ALPK3: variants seen among roughly 807,000 people sequenced by gnomAD.
ALPK3 encodes alpha-protein kinase 3.
A neutral mutation model predicts 140.0 loss-of-function variants in ALPK3; 102 were observed. The observed-to-expected ratio is 0.73, with a 90% CI of 0.62 to 0.86. The LOEUF is 0.86. Ranked by LOEUF, ALPK3 falls within the 40% of genes least tolerant of loss-of-function variation. The pLI is 0.00. For missense variants in ALPK3, 2,254 were observed against 2,208.2 expected (o/e 1.02, Z -0.42); for synonymous variants, 938 against 898.5 (o/e 1.04, Z -0.79).
intron 1 of ALPK3, among the ~76,000 whole-genome samples, 153 bp downstream of exon 1, chr15:84,817,748 T>C (rs1963377798): frequency 6.6e-6 from 1 of 152,168 alleles, no homozygotes; most frequent in African/African-American, 2.4e-5. Context: ...ATGGCCGGGC[T>C]GGAATGGCTT....
At chr15:84,851,440 G>A (rs905716534) in intron 5 of ALPK3, among the ~76,000 whole-genome samples, 15 of 152,036 alleles carry the variant, frequency 9.9e-5, no homozygotes, top group African/African-American at 3.1e-4. Flanking sequence ...ATTTTTAATT[G>A]TATTTTTGTT....
At position 84,843,020 on chromosome 15, in the gene ALPK3, G is replaced by A. The variant is rs1006472961; in HGVS notation, c.1653+2088G>A. 2.0e-5 allele frequency among the ~76,000 whole-genome samples: 3 copies of A among 152,212 alleles called. No homozygotes were observed. The East Asian group carries it at 5.8e-4, about 29-fold the overall frequency. On this transcript the variant is annotated intron_variant, in intron 5 of 13. Transcript: ENST00000258888. ...AATCTGGCTTCTCTGCCTAAATGGT[G>A]AGGAACCCAATACCAGATGGTGGCA... is the stretch of plus-strand genomic sequence containing the variant.
Position 84,857,592 on chromosome 15 carries a change from T to C in ALPK3, c.2854T>C (p.Cys952Arg), listed in dbSNP as rs2141568399. The change falls in exon 6 of 14, where the codon TGT (cysteine) becomes CGT (arginine). Residue 952 changes from cysteine (C) to arginine (R), a missense_variant. By Grantham distance (180) the Cys-to-Arg change is radical. Around this residue, in one of 3 missense-constraint regions of ALPK3, gnomAD observed 2,088 missense variants for 2,022.9 expected, o/e 1.03. Coordinates refer to ENST00000258888, the MANE Select transcript of ALPK3 (RefSeq NM_020778.5). ...VEGRTPGPRSCDPGLIDSLKN... is the reference protein window; with the variant it reads ...VEGRTPGPRSRDPGLIDSLKN... ...GGGGCGGACCCCAGGTCCCCGGAGC[T>C]GTGACCCTGGCCTCATAGATTCCCT... The C allele has an allele frequency of 1.3e-6, 2 of 1,574,290 alleles. No homozygotes were observed. Among genetic ancestry groups the C allele is most frequent in the Middle Eastern group, 1.7e-4 (1 of 5,860 alleles).
rs1364757203 is a variant in ALPK3, at chr15:84,857,557, C to T, written c.2819C>T (p.Pro940Leu). The change falls in exon 6 of 14, where the codon CCA becomes CTA. Residue 940 changes from proline to leucine, a missense_variant. Around this residue, in one of 3 missense-constraint regions of ALPK3, gnomAD observed 2,088 missense variants for 2,022.9 expected, o/e 1.03. Transcript: ENST00000258888. ...TSSEGACAQV[P>L]DVEGRTPGPR... ...AGTGAGGGGGCCTGCGCCCAGGTAC[C>T]AGATGTGGAGGGGCGGACCCCAGGT... The T allele has an allele frequency of 6.3e-7, 1 of 1,582,390 alleles. No individual in the cohort carries two copies. The highest frequency in any genetic ancestry group is 1.2e-5 in the South Asian group (1 of 85,304).
intron 11 of ALPK3, among the ~76,000 whole-genome samples, chr15:84,863,946 G>T (rs1204032639): frequency 6.6e-6 from 1 of 152,224 alleles, no homozygotes; most frequent in Admixed American, 6.5e-5. Flanking sequence ...TGAAGGTGAT[G>T]GGGTGGGTTA....
intron 3 of ALPK3, among the ~76,000 whole-genome samples, chr15:84,838,422 C>T (rs1963618388): frequency 6.6e-6 from 1 of 152,028 alleles, no homozygotes; most frequent in Non-Finnish European, 1.5e-5. Context: ...AGTTTCTCCT[C>T]CATATTTTCC....
chr15:84,862,448 G>A (rs1963957616), intron 9 of ALPK3, among the ~76,000 whole-genome samples, 187 bp from the exon 10 acceptor site: 1 of 152,036 alleles, frequency 6.6e-6, no homozygotes, highest in Non-Finnish European at 1.5e-5. Context: ...GAATCAAATA[G>A]AGTTTCTGCC....
intron 2 of ALPK3, among the ~76,000 whole-genome samples, chr15:84,823,821 C>T (rs1171671612): frequency 1.3e-5 from 2 of 152,204 alleles, no homozygotes; most frequent in Non-Finnish European, 2.9e-5. Context: ...AGGGATCCTC[C>T]TGCCTCAGCC....
In ALPK3 at chr15:84,863,585, T is replaced by A; in HGVS notation, c.4444T>A (p.Cys1482Ser). 1 of 1,614,096 alleles carries A rather than the reference T, an allele frequency of 6.2e-7. No homozygotes were observed. Among genetic ancestry groups the A allele is most frequent in the Non-Finnish European group, 8.5e-7 (1 of 1,179,980 alleles). The change falls in exon 11 of 14, where the codon TGC (cysteine) becomes AGC (serine). Residue 1482 changes from cysteine to serine, a missense_variant. By Grantham distance (112) the Cys-to-Ser change is moderately radical. This residue lies in a region of ALPK3 where 2,088 missense variants were observed against 2,022.9 expected (regional missense o/e 1.03). Transcript: ENST00000258888. ...GATCCAGAACATGAGTCGGGAGTACTGCAAAATCTTCGCAGCAGAAGCCCG... is the reference window on the plus strand; with the variant it reads ...GATCCAGAACATGAGTCGGGAGTACAGCAAAATCTTCGCAGCAGAAGCCCG... ...CKIQNMSREYCKIFAAEARAA... is the reference protein window; with the variant it reads ...CKIQNMSREYSKIFAAEARAA...
At chr15:84,833,017 C>T (rs1815123527) in intron 3 of ALPK3, among the ~76,000 whole-genome samples, 1 of 152,188 alleles carries the variant, frequency 6.6e-6, no homozygotes, top group Admixed American at 6.5e-5. Flanking sequence ...AAGCTGTTCC[C>T]TGTTTCAAGC....
chr15:84,852,339 G>A (rs929670173), intron 5 of ALPK3, among the ~76,000 whole-genome samples: 1 of 152,200 alleles, frequency 6.6e-6, no homozygotes, highest in Non-Finnish European at 1.5e-5. Context: ...TATGCTGCAC[G>A]AAGGGCTGTT....
In ALPK3 at chr15:84,839,037, G is replaced by C. The variant is rs1256047053; in HGVS notation, c.362G>C (p.Cys121Ser). ...YKDDTELDRY[C>S]GLPKYEITHQ... ...GATGATACGGAGCTGGACCGCTACT[G>C]TGGCTTGCCAAAATATGAGATCACT... The change falls in exon 4 of 14, where the codon TGT (cysteine) becomes TCT (serine). Residue 121 changes from cysteine (C) to serine (S), a missense_variant. Around this residue, in one of 3 missense-constraint regions of ALPK3, gnomAD observed 2,088 missense variants for 2,022.9 expected, o/e 1.03. Transcript: ENST00000258888. 1 of 1,613,618 alleles carries C rather than the reference G, an allele frequency of 6.2e-7. No homozygotes were observed. The highest frequency in any genetic ancestry group is 8.5e-7 in the Non-Finnish European group (1 of 1,179,734).
chr15:84,825,122 G>T (rs1170710309), intron 2 of ALPK3, among the ~76,000 whole-genome samples: 1 of 152,036 alleles, frequency 6.6e-6, no homozygotes, highest in Non-Finnish European at 1.5e-5. Context: ...AGTTTGAGAA[G>T]ATATGTTCTT....
rs2141556914 is a variant in ALPK3, at chr15:84,840,359, C to T, written c.1080C>T (p.Pro360=). The part of the protein sequence containing the change: ...DEPDSCGTQG[P]VGVEQVQTQP... ...CTGACTCCTGTGGGACTCAGGGGCC[C>T]GTGGGCGTGGAGCAGGTTCAGACCC... Residue 360 remains proline, a synonymous_variant, in exon 5 of 14, where the codon CCC becomes CCT. Coordinates refer to ENST00000258888, the MANE Select transcript of ALPK3 (RefSeq NM_020778.5). The T allele has an allele frequency of 6.2e-7, 1 of 1,613,486 alleles. No homozygotes were observed. The highest frequency in any genetic ancestry group is 8.5e-7 in the Non-Finnish European group (1 of 1,179,764).
rs147480017 is a variant in ALPK3, at chr15:84,839,600, G to T, written c.423-102G>T. On this transcript the variant is annotated intron_variant, in intron 4 of 13. Transcript: ENST00000258888. Reference sequence around the variant, plus strand: ...TAGCACACGGCAGGGCTTGCTGTAGGGAGGGGGAAGTGTGCCCGGCTCTGA... The same window carrying T: ...TAGCACACGGCAGGGCTTGCTGTAGTGAGGGGGAAGTGTGCCCGGCTCTGA... 1,197 of 1,292,566 alleles carry T rather than the reference G, an allele frequency of 9.3e-4. 3 individuals are homozygous for T. The highest frequency in any genetic ancestry group is 8.3e-3 in the African/African-American group (559 of 67,612). 80.1% of individuals were successfully genotyped at this position (1,292,566 alleles called of 1,614,324 possible). A position where few individuals can be genotyped will look rare whatever the true frequency, so the allele number is the denominator to read the frequency against.
At chr15:84,834,037 A>G (rs1963574143) in intron 3 of ALPK3, among the ~76,000 whole-genome samples, 1 of 151,966 alleles carries the variant, frequency 6.6e-6, no homozygotes, top group African/African-American at 2.4e-5. Flanking sequence ...AGGAAGCATC[A>G]ACAGTGGGCA....
intron 3 of ALPK3, among the ~76,000 whole-genome samples, chr15:84,831,369 AG>A (rs1349626712): frequency 6.6e-6 from 1 of 152,222 alleles, no homozygotes; most frequent in Non-Finnish European, 1.5e-5. Flanking sequence ...CTGTTTGGAT[AG>A]CTGTTCCCCT....
intron 5 of ALPK3, among the ~76,000 whole-genome samples, chr15:84,847,936 C>T (rs1241488215): frequency 6.6e-6 from 1 of 151,860 alleles, no homozygotes; most frequent in Non-Finnish European, 1.5e-5. Context: ...GTGGGGGGCA[C>T]CTGTAATCCC....
rs1309023128 is a variant in ALPK3 at position 84,858,240 on chromosome 15, T to C, written c.3502T>C (p.Phe1168Leu). ...ELALGARRKR[F>L]LPKVRAAGDG... ...GGCTCTAGGGGCCCGGAGGAAGAGA[T>C]TTCTCCCTAAGGTCAGAGCAGCAGG... is the stretch of plus-strand genomic sequence containing the variant. Residue 1168 changes from phenylalanine (F) to leucine (L), a missense_variant, in exon 6 of 14, where the codon TTT (phenylalanine) becomes CTT (leucine). Coordinates refer to ENST00000258888, the MANE Select transcript of ALPK3 (RefSeq NM_020778.5). 2.5e-6 allele frequency: 4 copies of C among 1,608,708 alleles called. No individual in the cohort carries two copies. The East Asian group carries it at 6.7e-5, about 27-fold the overall frequency.
Sources: gnomAD v4.1 joint callset for allele counts (sites outside exome capture counted in the v4.1 genomes callset) on GRCh38, gnomAD v4.1.1 for gene constraint, gnomAD v4.1.1 regional missense constraint, MANE v1.5 for transcripts, NCBI Gene and HGNC (gene_info 2026-07-23, HGNC 2026-07-21) for gene names.